PAPPA2: variants seen among roughly 807,000 people sequenced by gnomAD.
The protein encoded by PAPPA2 is pappalysin 2, also known as pappalysin-2.
Under a neutral mutation model 176.4 loss-of-function variants are expected in PAPPA2, and 86 were observed. That is an observed-to-expected ratio of 0.49 (90% CI 0.41 to 0.58). PAPPA2 has a LOEUF of 0.58. Among genes scored for constraint, PAPPA2 ranks in the 20% least tolerant of loss-of-function variants. The probability of loss-of-function intolerance (pLI) is 0.00; values close to 1 mark genes in which losing one functional copy is unlikely to be tolerated. For synonymous variants in PAPPA2, 809 were observed against 852.2 expected (o/e 0.95, Z 0.88); for missense variants, 2,073 against 2,256.9 (o/e 0.92, Z 1.65).
chr1:176,498,736 C>T (rs945375060), intron 1 of PAPPA2, among the ~76,000 whole-genome samples: 12 of 129,126 alleles, frequency 9.3e-5, no homozygotes, highest in African/African-American at 1.2e-4. Context: ...GGCGACAGAG[C>T]GAGACTCTTA....
At chr1:176,623,415 T>A (rs1655703872) in intron 3 of PAPPA2, among the ~76,000 whole-genome samples, 1 of 152,162 alleles carries the variant, frequency 6.6e-6, no homozygotes, top group Admixed American at 6.5e-5. Context: ...AGGAGGCCAT[T>A]GAAATGAATA....
Position 176,555,974 on chromosome 1 carries a change from G to GA in PAPPA2, c.-340dup, listed in dbSNP as rs369073030. 7.3e-4 allele frequency: 161 copies of GA among 221,152 alleles called. No individual in the cohort carries two copies. The highest frequency in any genetic ancestry group is 1.6e-3 in the Middle Eastern group (1 of 620). 13.7% of individuals were successfully genotyped at this position (221,152 alleles called of 1,614,324 possible). Reference sequence around the variant, plus strand: ...GAGGGATTACTGAAGAAGAAGGGGGGAAAAAAAAAGAAAGAAATCTGAGCT... The same window carrying GA: ...GAGGGATTACTGAAGAAGAAGGGGGGAAAAAAAAAAGAAAGAAATCTGAGCT... On this transcript the variant is annotated 5_prime_UTR_variant, in exon 2 of 23. It introduces an in-frame stop codon into an upstream open reading frame of the 5' UTR. Transcript: ENST00000367662.
chr1:176,701,083 T>A (rs896070518), intron 8 of PAPPA2, among the ~76,000 whole-genome samples: 1 of 143,252 alleles, frequency 7.0e-6, no homozygotes, highest in Admixed American at 6.8e-5. Context: ...CACACATGTT[T>A]AAGGCCAATA....
intron 14 of PAPPA2, among the ~76,000 whole-genome samples, chr1:176,747,805 AG>A (rs1332115467): frequency 6.6e-6 from 1 of 152,168 alleles, no homozygotes; most frequent in Non-Finnish European, 1.5e-5. Flanking sequence ...TCTCGTTTGA[AG>A]GCTTGACTGG....
At chr1:176,771,328 T>C (rs1165429976) in intron 17 of PAPPA2, 148 bp downstream of exon 17, 6 of 722,090 alleles carry the variant, frequency 8.3e-6, no homozygotes, top group Admixed American at 2.6e-5. Context: ...AAATATATTC[T>C]CTCCAATAGA....
intron 3 of PAPPA2, among the ~76,000 whole-genome samples, chr1:176,607,234 C>T (rs1023248954): frequency 1.3e-5 from 2 of 152,064 alleles, no homozygotes; most frequent in Admixed American, 6.5e-5. Flanking sequence ...CTCCTCTCTC[C>T]CAGCTGCTTT....
rs56705620 is a variant in PAPPA2, at chr1:176,483,460, C to CTTTTT, written c.-917+20066_-917+20070dup. 5.1e-4 allele frequency among the ~76,000 whole-genome samples: 25 copies of CTTTTT among 48,628 alleles called. 2 individuals are homozygous for CTTTTT. The highest frequency in any genetic ancestry group is 1.5e-3 in the African/African-American group (21 of 13,630). 31.9% of individuals were successfully genotyped at this position (48,628 alleles called of 152,430 possible). A position where few individuals can be genotyped will look rare whatever the true frequency, so the allele number is the denominator to read the frequency against. On this transcript the variant is annotated intron_variant, in intron 1 of 22. Coordinates refer to ENST00000367662, the MANE Select transcript of PAPPA2 (RefSeq NM_020318.3). ...CCTCCCTTAGGTGAAACTCAGACAT[C>CTTTTT]TTTTTTTTTTTTTTTTTTTTTTTTT...
intron 3 of PAPPA2, among the ~76,000 whole-genome samples, chr1:176,605,247 A>G (rs1654542866): frequency 1.3e-5 from 2 of 152,362 alleles, no homozygotes; most frequent in African/African-American, 4.8e-5. Context: ...AAGGAATACA[A>G]GACCTCTTGG....
intron 14 of PAPPA2, among the ~76,000 whole-genome samples, chr1:176,753,863 A>G (rs1663293948): frequency 6.6e-6 from 1 of 151,954 alleles, no homozygotes; most frequent in East Asian, 1.9e-4. Flanking sequence ...TTCTTGCCCA[A>G]CTTCCTTTTC....
intron 2 of PAPPA2, among the ~76,000 whole-genome samples, chr1:176,594,060 A>G (rs1653810931): frequency 6.6e-6 from 1 of 152,210 alleles, no homozygotes; most frequent in Non-Finnish European, 1.5e-5. Flanking sequence ...TTTAATGTTC[A>G]GTAGAGAAAA....
intron 1 of PAPPA2, among the ~76,000 whole-genome samples, chr1:176,470,125 T>C (rs1046414298): frequency 2.6e-5 from 4 of 152,162 alleles, no homozygotes; most frequent in Non-Finnish European, 5.9e-5. Flanking sequence ...TTCACACTAA[T>C]ATGTCAATAA....
intron 4 of PAPPA2, among the ~76,000 whole-genome samples, chr1:176,679,918 AG>A (rs1029290687): frequency 3.9e-5 from 6 of 152,170 alleles, no homozygotes; most frequent in Non-Finnish European, 7.3e-5. Flanking sequence ...CTCTAAACCT[AG>A]CAAATGCCTG....
intron 4 of PAPPA2, among the ~76,000 whole-genome samples, chr1:176,680,964 A>G (rs1313233083): frequency 6.6e-6 from 1 of 152,166 alleles, no homozygotes; most frequent in Non-Finnish European, 1.5e-5. Flanking sequence ...GACTGAGTGG[A>G]TGGTGGTGCC....
intron 3 of PAPPA2, among the ~76,000 whole-genome samples, chr1:176,647,728 G>A (rs940614754): frequency 8.6e-5 from 13 of 151,654 alleles, no homozygotes; most frequent in African/African-American, 2.9e-4. Context: ...GGCTATAAAT[G>A]CAAGGATTAA....
intron 3 of PAPPA2, among the ~76,000 whole-genome samples, chr1:176,655,249 T>A (rs1479761803): frequency 6.6e-6 from 1 of 151,892 alleles, no homozygotes; most frequent in Non-Finnish European, 1.5e-5. Flanking sequence ...GTTCCGTCTA[T>A]GCCTAGTTTG....
chr1:176,738,515 T>C (rs1662522709), intron 12 of PAPPA2, among the ~76,000 whole-genome samples: 1 of 152,140 alleles, frequency 6.6e-6, no homozygotes, highest in Admixed American at 6.6e-5. Flanking sequence ...GAAGGCCCTG[T>C]CATTAGATGT....
chr1:176,560,830 C>T (rs1651624151), intron 2 of PAPPA2, among the ~76,000 whole-genome samples: 1 of 152,204 alleles, frequency 6.6e-6, no homozygotes, highest in South Asian at 2.1e-4. Context: ...TTCAAATGTT[C>T]CCTGAAGTTG....
chr1:176,541,911 ACT>A, intron 1 of PAPPA2, among the ~76,000 whole-genome samples: 1 of 152,294 alleles, frequency 6.6e-6, no homozygotes, highest in East Asian at 1.9e-4. Flanking sequence ...AGTCATGCTG[ACT>A]CTACAAATAC....
chr1:176,484,260 C>A (rs1652546325), intron 1 of PAPPA2, among the ~76,000 whole-genome samples: 1 of 152,156 alleles, frequency 6.6e-6, no homozygotes, highest in Non-Finnish European at 1.5e-5. Flanking sequence ...CCTCTGGATT[C>A]TTTCAGGACT....
Sources: allele counts gnomAD v4.1 joint callset (sites outside exome capture counted in the v4.1 genomes callset), GRCh38; gene constraint gnomAD v4.1.1; transcripts MANE v1.5; gene names NCBI Gene and HGNC (gene_info 2026-07-23, HGNC 2026-07-21).